Variants in PCDHGB6 observed in about 807,000 individuals in gnomAD.
The protein encoded by PCDHGB6 is protocadherin gamma subfamily B, 6.
In PCDHGB6, 51 loss-of-function variants were observed where a neutral mutation model predicts 59.1. The observed-to-expected ratio is 0.86, with a 90% CI of 0.69 to 1.09. The LOEUF is 1.09. Among genes scored for constraint, PCDHGB6 ranks in the 50% least tolerant of loss-of-function variants. PCDHGB6 has a pLI of 0.00. For missense variants in PCDHGB6, 1,148 were observed against 1,205.1 expected (o/e 0.95, Z 0.70); for synonymous variants, 466 against 495.1 (o/e 0.94, Z 0.78).
chr5:141,467,912 G>A (rs879405529), intron 1 of PCDHGB6, among the ~76,000 whole-genome samples: 1 of 152,086 alleles, frequency 6.6e-6, no homozygotes, highest in Admixed American at 6.6e-5. Context: ...GCCCACCTCA[G>A]CCTCCCAAAA....
At position 141,490,954 on chromosome 5, in the gene PCDHGB6, G is replaced by A. The variant is rs749646808; in HGVS notation, c.2419-3853G>A. On this transcript the variant is annotated intron_variant, in intron 1 of 3. Coordinates refer to ENST00000520790, the MANE Select transcript of PCDHGB6 (RefSeq NM_018926.3). This position sits in a 1 kb window ranked among gnomAD's most constrained non-coding sequence, Gnocchi z 5.4. ...TGTGCTGCACCCACGGCCAGACTGGGAACACTCAGCCCCCCAGCGTCTCCC... is the reference window on the plus strand; with the variant it reads ...TGTGCTGCACCCACGGCCAGACTGGAAACACTCAGCCCCCCAGCGTCTCCC... 9 of 1,613,662 alleles carry A rather than the reference G, an allele frequency of 5.6e-6. No individual in the cohort carries two copies. The African/African-American group carries it at 8.0e-5, about 14-fold the overall frequency.
At chr5:141,481,587 G>A (rs1276529821) in intron 1 of PCDHGB6, among the ~76,000 whole-genome samples, 1 of 152,198 alleles carries the variant, frequency 6.6e-6, no homozygotes, top group African/African-American at 2.4e-5. Context: ...GGAGGCTGAG[G>A]CCAGCGGATC....
intron 1 of PCDHGB6, among the ~76,000 whole-genome samples, chr5:141,488,417 C>T (rs2099675171): frequency 6.6e-6 from 1 of 152,224 alleles, no homozygotes; most frequent in Non-Finnish European, 1.5e-5. Context: ...GCCAAGCCAT[C>T]CATGCTTGGC....
chr5:141,429,073 C>CTCGATT (rs1202357717), intron 1 of PCDHGB6: 1 of 152,116 alleles, frequency 6.6e-6, no homozygotes, highest in African/African-American at 2.4e-5. Context: ...CCAGGATGGT[C>CTCGATT]TCGATTTCCT....
Position 141,503,999 on chromosome 5 carries a change from C to T in PCDHGB6, c.2478-1394C>T, listed in dbSNP as rs569153055. On this transcript the variant is annotated intron_variant, in intron 2 of 3. Coordinates refer to ENST00000520790, the MANE Select transcript of PCDHGB6 (RefSeq NM_018926.3). Reference sequence around the variant, plus strand: ...AACCCTTCTTCTTACCTTACAGTCACTTAACTGTCTCTGCTGGTCTCTTCC... The same window carrying T: ...AACCCTTCTTCTTACCTTACAGTCATTTAACTGTCTCTGCTGGTCTCTTCC... 2.0e-5 allele frequency among the ~76,000 whole-genome samples: 3 copies of T among 152,286 alleles called. No individual in the cohort carries two copies. The South Asian group carries it at 6.2e-4, about 32-fold the overall frequency.
chr5:141,418,869 T>A (rs1261615662), intron 1 of PCDHGB6: 1 of 1,613,830 alleles, frequency 6.2e-7, no homozygotes, highest in Non-Finnish European at 8.5e-7. Flanking sequence ...ATTGTAGAAG[T>A]TGTAGACGAA....
At chr5:141,478,068 A>T (rs560968418) in intron 1 of PCDHGB6, 1 of 1,614,134 alleles carries the variant, frequency 6.2e-7, no homozygotes, top group East Asian at 2.2e-5. Flanking sequence ...ATCAAAGACA[A>T]TGGGGAGCCT....
chr5:141,500,234 A>T (rs2099798212), intron 2 of PCDHGB6, among the ~76,000 whole-genome samples: 1 of 148,996 alleles, frequency 6.7e-6, no homozygotes, highest in Non-Finnish European at 1.5e-5. Context: ...ATTGATACGT[A>T]GCCTTGCTCT....
At chr5:141,421,316 G>A in intron 1 of PCDHGB6, 1 of 1,613,866 alleles carries the variant, frequency 6.2e-7, no homozygotes, top group Non-Finnish European at 8.5e-7. Flanking sequence ...TTCCGGGCCA[G>A]GCAGATCCGA....
chr5:141,409,735 C>G lies in PCDHGB6; in HGVS notation c.1533C>G (p.Ser511Arg), dbSNP rs763035733. Reference protein sequence around the residue: ...VSSYVSVSAQSGVVFAQRAFD... With the variant: ...VSSYVSVSAQRGVVFAQRAFD... Reference sequence around the variant, plus strand: ...CATACGTGTCAGTGAGCGCGCAGAGCGGGGTGGTGTTCGCGCAGCGCGCCT... The same window carrying G: ...CATACGTGTCAGTGAGCGCGCAGAGGGGGGTGGTGTTCGCGCAGCGCGCCT... Residue 511 changes from serine to arginine, a missense_variant, in exon 1 of 4, where the codon AGC becomes AGG. Ser to Arg is a moderately radical substitution (Grantham distance 110). Transcript: ENST00000520790. The G allele has an allele frequency of 3.7e-6, 6 of 1,613,006 alleles. No homozygotes were observed. The African/African-American group carries it at 8.0e-5, about 22-fold the overall frequency.
At chr5:141,412,204 T>G (rs2095542280) in intron 1 of PCDHGB6, 1 of 152,240 alleles carries the variant, frequency 6.6e-6, no homozygotes, top group Admixed American at 6.5e-5. Context: ...ACAGGTCATT[T>G]GACATAAACA....
chr5:141,508,928 G>A (rs1475005703), intron 3 of PCDHGB6, among the ~76,000 whole-genome samples: 1 of 152,076 alleles, frequency 6.6e-6, no homozygotes, highest in East Asian at 1.9e-4. Flanking sequence ...TCCTTTTGGA[G>A]TTAATTAGGG....
At chr5:141,443,498 C>G (rs1217918256) in intron 1 of PCDHGB6, among the ~76,000 whole-genome samples, 3 of 152,036 alleles carry the variant, frequency 2.0e-5, no homozygotes, top group Non-Finnish European at 4.4e-5. Context: ...AACAAACAAA[C>G]AAATAAAGAG....
intron 1 of PCDHGB6, among the ~76,000 whole-genome samples, chr5:141,482,329 T>C (rs1334833454): frequency 6.6e-6 from 1 of 152,160 alleles, no homozygotes; most frequent in Non-Finnish European, 1.5e-5. Context: ...ATAAAGAGAA[T>C]ATCTACTTTG....
chr5:141,431,709 T>A lies in PCDHGB6; in HGVS notation c.2418+21089T>A. 6.2e-7 allele frequency: 1 copy of A among 1,614,168 alleles called. No individual in the cohort carries two copies. Among genetic ancestry groups the A allele is most frequent in the Non-Finnish European group, 8.5e-7 (1 of 1,180,018 alleles). ...CACGAGGAGTCAGGATTCTACCAGA[T>A]GGAAGTGCAAGCAATGGATAATGCA... On this transcript the variant is annotated intron_variant, in intron 1 of 3. Coordinates refer to ENST00000520790, the MANE Select transcript of PCDHGB6 (RefSeq NM_018926.3). This position sits in a 1 kb window ranked among gnomAD's most constrained non-coding sequence, Gnocchi z 4.8.
chr5:141,508,026 T>A (rs972124070), intron 3 of PCDHGB6: 3 of 152,314 alleles, frequency 2.0e-5, no homozygotes, highest in African/African-American at 7.2e-5. Context: ...GGCTGCGGTT[T>A]GCAGCTCAGC....
chr5:141,476,281 T>G lies in PCDHGB6; in HGVS notation c.2419-18526T>G. On this transcript the variant is annotated intron_variant, in intron 1 of 3. Coordinates refer to ENST00000520790, the MANE Select transcript of PCDHGB6 (RefSeq NM_018926.3). This position sits in a 1 kb window ranked among gnomAD's most constrained non-coding sequence, Gnocchi z 7.6. ...TGGGCAACGTGGTCGCGAACCTTGGTTTGGATCTCGGTAGCCTCTCAGCCC... is the reference window on the plus strand; with the variant it reads ...TGGGCAACGTGGTCGCGAACCTTGGGTTGGATCTCGGTAGCCTCTCAGCCC... 1 of 1,614,048 alleles carries G rather than the reference T, an allele frequency of 6.2e-7. No homozygotes were observed. The highest frequency in any genetic ancestry group is 1.1e-5 in the South Asian group (1 of 91,062).
intron 1 of PCDHGB6, among the ~76,000 whole-genome samples, chr5:141,484,369 G>A (rs1218433750): frequency 6.6e-6 from 1 of 152,164 alleles, no homozygotes; most frequent in Non-Finnish European, 1.5e-5. Flanking sequence ...TGTATCACTA[G>A]CAAATGTCTG....
At chr5:141,480,195 G>A (rs1350891459) in intron 1 of PCDHGB6, among the ~76,000 whole-genome samples, 1 of 151,182 alleles carries the variant, frequency 6.6e-6, no homozygotes, top group Non-Finnish European at 1.5e-5. Context: ...CTTGAGGCCA[G>A]CAGTTCAAGA....
Sources: gnomAD v4.1 joint callset for allele counts (sites outside exome capture counted in the v4.1 genomes callset) on GRCh38, gnomAD v4.1.1 for gene constraint, Gnocchi (gnomAD v3.1) non-coding constraint, MANE v1.5 for transcripts, NCBI Gene and HGNC (gene_info 2026-07-23, HGNC 2026-07-21) for gene names.